The following RPAP2 variants were observed in gnomAD, a reference collection of about 807,000 sequenced individuals.
RPAP2 encodes putative RNA polymerase II subunit B1 CTD phosphatase RPAP2.
In RPAP2, 52 loss-of-function variants were observed where a neutral mutation model predicts 73.1. That is an observed-to-expected ratio of 0.71 (90% CI 0.57 to 0.90). The LOEUF (loss-of-function observed/expected upper bound fraction) is 0.90, where lower values mean the gene tolerates loss of function less well. Among genes scored for constraint, RPAP2 ranks in the 40% least tolerant of loss-of-function variants. The pLI is 0.00. For synonymous variants in RPAP2, 225 were observed against 242.1 expected (o/e 0.93, Z 0.65); for missense variants, 598 against 701.8 (o/e 0.85, Z 1.67).
chr1:92,324,228 T>C lies in RPAP2; in HGVS notation c.1308T>C (p.Phe436=), dbSNP rs945378277. The change falls in exon 8 of 13, where the codon TTT becomes TTC. Residue 436 remains phenylalanine, a synonymous_variant. Coordinates refer to ENST00000610020, the MANE Select transcript of RPAP2 (RefSeq NM_024813.3). ...SQNSLDESLP[F]RGSGTAIKPL... ...ACAGCTTGGATGAGTCTTTACCTTT[T>C]AGGGGCTCAGGTACAGCCATTAAAC... 1.2e-6 allele frequency: 2 copies of C among 1,613,986 alleles called. No individual in the cohort carries two copies. The highest frequency in any genetic ancestry group is 2.7e-5 in the African/African-American group (2 of 74,928).
chr1:92,385,543 GT>G (rs1294462502), intron 12 of RPAP2, among the ~76,000 whole-genome samples: 1 of 151,890 alleles, frequency 6.6e-6, no homozygotes, highest in Non-Finnish European at 1.5e-5. Flanking sequence ...AGGATAGAAG[GT>G]TTTTTTGTTT....
chr1:92,333,110 ATC>A (rs975361196), intron 8 of RPAP2: 2 of 337,332 alleles, frequency 5.9e-6, no homozygotes, highest in Non-Finnish European at 5.4e-6. Context: ...AGTTTACAAA[ATC>A]TTTTTGTTTA....
chr1:92,357,029 G>A (rs1654504232), intron 11 of RPAP2, among the ~76,000 whole-genome samples: 1 of 150,642 alleles, frequency 6.6e-6, no homozygotes, highest in Non-Finnish European at 1.5e-5. Context: ...TTGTGTCACT[G>A]CACTCCAGCC....
At chr1:92,329,899 C>A (rs1371556622) in intron 8 of RPAP2, among the ~76,000 whole-genome samples, 1 of 152,112 alleles carries the variant, frequency 6.6e-6, no homozygotes, top group Non-Finnish European at 1.5e-5. Flanking sequence ...ATTAAGTAAT[C>A]TGAGGAAAGT....
intron 11 of RPAP2, among the ~76,000 whole-genome samples, chr1:92,380,040 G>A (rs1411409087): frequency 2.3e-5 from 2 of 85,594 alleles, no homozygotes; most frequent in Non-Finnish European, 7.0e-5. Flanking sequence ...CTGGTGGATC[G>A]CCTGAGGCTG....
At chr1:92,301,409 T>C (rs1343848984) in intron 2 of RPAP2, 67 bp from the exon 3 acceptor site, 12 of 778,054 alleles carry the variant, frequency 1.5e-5, no homozygotes, top group Non-Finnish European at 2.5e-5. Flanking sequence ...GTTAGTATTG[T>C]ATTTTAAAAC....
intron 11 of RPAP2, chr1:92,363,851 A>G (rs903346573): frequency 5.0e-6 from 1 of 198,936 alleles, no homozygotes; most frequent in Non-Finnish European, 1.1e-5. Flanking sequence ...TCTAATACAT[A>G]TCCTTACATA....
intron 11 of RPAP2, among the ~76,000 whole-genome samples, chr1:92,348,623 G>A (rs1323377532): frequency 1.3e-5 from 2 of 151,898 alleles, no homozygotes; most frequent in Non-Finnish European, 2.9e-5. Context: ...TTCCCCTTTA[G>A]CTTTTCATAT....
chr1:92,300,141 C>A, intron 1 of RPAP2, 53 bp from the exon 2 acceptor site: 2 of 1,251,918 alleles, frequency 1.6e-6, no homozygotes, highest in African/African-American at 3.0e-5. Flanking sequence ...TGTATGCTGT[C>A]CGTCGTTTAC....
At chr1:92,363,109 T>G (rs539109269) in intron 11 of RPAP2, among the ~76,000 whole-genome samples, 7 of 152,292 alleles carry the variant, frequency 4.6e-5, no homozygotes, top group Middle Eastern at 3.4e-3. Flanking sequence ...CTTTTTATAA[T>G]TTGAAGGAGT....
At chr1:92,341,282 T>C (rs752061846) in intron 10 of RPAP2, among the ~76,000 whole-genome samples, 10 of 152,198 alleles carry the variant, frequency 6.6e-5, no homozygotes, top group Non-Finnish European at 1.3e-4. Flanking sequence ...GTGCTGGTAT[T>C]ACAGGCATGA....
At chr1:92,311,338 A>G (rs1037714663) in intron 6 of RPAP2, among the ~76,000 whole-genome samples, 3 of 152,236 alleles carry the variant, frequency 2.0e-5, no homozygotes, top group African/African-American at 4.8e-5. Context: ...AGTTTTCTAC[A>G]TAAGGAAATA....
At chr1:92,380,917 T>C (rs768144896) in intron 12 of RPAP2, 44 bp downstream of exon 12, 185 of 1,476,784 alleles carry the variant, frequency 1.3e-4, no homozygotes, top group Non-Finnish European at 1.6e-4. Context: ...TCTTCATTTG[T>C]TGCCTATGTG....
At chr1:92,316,267 G>A (rs1045643568) in intron 6 of RPAP2, among the ~76,000 whole-genome samples, 2 of 152,012 alleles carry the variant, frequency 1.3e-5, no homozygotes, top group African/African-American at 4.8e-5. Flanking sequence ...TCAGAGGTGC[G>A]GAAGCCAAAA....
chr1:92,350,268 C>T (rs1258868205), intron 11 of RPAP2, among the ~76,000 whole-genome samples: 2 of 152,168 alleles, frequency 1.3e-5, no homozygotes, highest in Non-Finnish European at 2.9e-5. Context: ...TCCTTTAATT[C>T]CTTTAAAAAT....
intron 3 of RPAP2, 146 bp downstream of exon 3, chr1:92,301,736 A>T: frequency 2.5e-6 from 1 of 404,580 alleles, no homozygotes. Flanking sequence ...CATGCATTTA[A>T]AAATAAACAA....
At chr1:92,357,888 T>C (rs1372204994) in intron 11 of RPAP2, among the ~76,000 whole-genome samples, 1 of 152,216 alleles carries the variant, frequency 6.6e-6, no homozygotes, top group Non-Finnish European at 1.5e-5. Context: ...ATGAAAGTCA[T>C]TTAAATTTTT....
intron 4 of RPAP2, 103 bp downstream of exon 4, chr1:92,304,178 G>A: frequency 1.8e-6 from 2 of 1,104,188 alleles, no homozygotes; most frequent in South Asian, 2.7e-5. Flanking sequence ...ATGAACTAAA[G>A]GCATGGATTG....
intron 10 of RPAP2, among the ~76,000 whole-genome samples, chr1:92,340,382 T>C (rs1027857236): frequency 1.3e-5 from 2 of 152,216 alleles, no homozygotes; most frequent in East Asian, 3.8e-4. Flanking sequence ...GTGAAGCTTC[T>C]GGAAAAATGC....
Sources: allele counts gnomAD v4.1 joint callset (sites outside exome capture counted in the v4.1 genomes callset), GRCh38; gene constraint gnomAD v4.1.1; transcripts MANE v1.5; gene names NCBI Gene and HGNC (gene_info 2026-07-23, HGNC 2026-07-21).